The following PAM variants were observed in gnomAD, a reference collection of about 807,000 sequenced individuals.
PAM encodes peptidylglycine alpha-amidating monooxygenase, also known as peptidyl-glycine alpha-amidating monooxygenase.
Under a neutral mutation model 122.1 loss-of-function variants are expected in PAM, and 72 were observed. The observed-to-expected ratio is 0.59, with a 90% CI of 0.49 to 0.72. The LOEUF is 0.72. Among genes scored for constraint, PAM ranks in the 30% least tolerant of loss-of-function variants. PAM has a pLI of 0.00. For synonymous variants in PAM, 389 were observed against 404.4 expected, an observed-to-expected ratio of 0.96 and a Z score of 0.46; for missense variants, 1,106 against 1,183.7, an observed-to-expected ratio of 0.93 and a Z score of 0.96.
chr5:102,952,969 T>C (rs1035291795), intron 12 of PAM, among the ~76,000 whole-genome samples: 10 of 152,142 alleles, frequency 6.6e-5, no homozygotes, highest in African/African-American at 9.7e-5. Context: ...TAACTAAGGA[T>C]AGGCTGGGGC....
intron 1 of PAM, among the ~76,000 whole-genome samples, chr5:102,844,928 A>T (rs1779598644): frequency 6.6e-6 from 1 of 152,230 alleles, no homozygotes; most frequent in Non-Finnish European, 1.5e-5. Flanking sequence ...CCATTTCTCC[A>T]GACTAGCAGA....
chr5:102,818,733 T>C (rs1189227333), intron 1 of PAM, among the ~76,000 whole-genome samples: 2 of 152,198 alleles, frequency 1.3e-5, no homozygotes, highest in African/African-American at 4.8e-5. Context: ...GTTATATGTG[T>C]GGCCTTTTTT....
At chr5:102,786,420 G>A (rs553096856) in intron 1 of PAM, among the ~76,000 whole-genome samples, 201 of 152,246 alleles carry the variant, frequency 1.3e-3, no homozygotes, top group African/African-American at 4.3e-3. Context: ...ATTAGTGTAA[G>A]CTCTTATTAA....
chr5:102,989,167 T>G (rs1178296144), intron 15 of PAM, among the ~76,000 whole-genome samples: 1 of 152,202 alleles, frequency 6.6e-6, no homozygotes, highest in Non-Finnish European at 1.5e-5. Context: ...TATAGATATA[T>G]ACATTGTACC....
chr5:102,795,189 C>CAAAAAAAAAAAAAAAAAAAA (rs33988105), intron 1 of PAM, among the ~76,000 whole-genome samples: 14 of 59,658 alleles, frequency 2.3e-4, no homozygotes, highest in East Asian at 1.3e-3. Flanking sequence ...GACAATGTCT[C>CAAAAAAAAAAAAAAAAAAAA]AAAAAAAAAA....
At chr5:102,933,959 T>C (rs1752427206) in intron 7 of PAM, among the ~76,000 whole-genome samples, 1 of 152,168 alleles carries the variant, frequency 6.6e-6, no homozygotes, top group African/African-American at 2.4e-5. Flanking sequence ...CCCTGTTGCT[T>C]TCCCTGTTGT....
intron 1 of PAM, among the ~76,000 whole-genome samples, chr5:102,771,324 T>C (rs1366413389): frequency 6.6e-6 from 1 of 152,150 alleles, no homozygotes; most frequent in Non-Finnish European, 1.5e-5. Context: ...AGTTCTGTTA[T>C]AGTAATCATT....
At chr5:102,765,545 G>A (rs533283716) in intron 1 of PAM, among the ~76,000 whole-genome samples, 1 of 152,312 alleles carries the variant, frequency 6.6e-6, no homozygotes, top group South Asian at 2.1e-4. Context: ...GCCACACCAT[G>A]CAAGCTTGGG....
intron 12 of PAM, 31 bp from the exon 13 acceptor site, chr5:102,959,844 T>C (rs1272500111): frequency 2.0e-6 from 3 of 1,525,852 alleles, no homozygotes; most frequent in African/African-American, 2.7e-5. Context: ...ATGTGAATAG[T>C]TGATTTGTTA....
At chr5:102,952,697 C>T (rs958208356) in intron 12 of PAM, among the ~76,000 whole-genome samples, 3 of 152,070 alleles carry the variant, frequency 2.0e-5, no homozygotes, top group Non-Finnish European at 4.4e-5. Flanking sequence ...AGACAAATAA[C>T]AACAGCAATG....
chr5:102,871,738 A>T (rs1296234003), intron 3 of PAM, among the ~76,000 whole-genome samples: 7 of 142,648 alleles, frequency 4.9e-5, no homozygotes, highest in African/African-American at 1.0e-4. Context: ...TATATATATT[A>T]TATATATATA....
rs1554134180 is a variant in PAM at position 102,950,416 on chromosome 5, G to GGTGTGTGTGTGTGTGTGTGT, written c.802-296_802-277dup. The stretch of plus-strand genomic sequence containing the variant: ...CAGTGATTATTTGTGTATGTGGGTG[G>GGTGTGTGTGTGTGTGTGTGT]GTGTGTGTGTGTGTGTGTGTGTGTC... On this transcript the variant is annotated intron_variant, in intron 11 of 25. Coordinates refer to ENST00000438793, the MANE Select transcript of PAM (RefSeq NM_001177306.2). Among the ~76,000 whole-genome samples, 1,355 of 146,038 alleles carry GGTGTGTGTGTGTGTGTGTGT rather than the reference G, an allele frequency of 9.3e-3. 24 individuals are homozygous for GGTGTGTGTGTGTGTGTGTGT. Among genetic ancestry groups the GGTGTGTGTGTGTGTGTGTGT allele is most frequent in the African/African-American group, 0.032 (1,266 of 38,988 alleles).
intron 7 of PAM, among the ~76,000 whole-genome samples, chr5:102,928,688 A>C (rs1750445739): frequency 6.6e-6 from 1 of 152,166 alleles, no homozygotes; most frequent in Non-Finnish European, 1.5e-5. Context: ...ATATTTATTA[A>C]TTGGGAAGTG....
At chr5:103,012,836 A>G (rs573413509) in intron 21 of PAM, among the ~76,000 whole-genome samples, 4 of 150,028 alleles carry the variant, frequency 2.7e-5, no homozygotes, top group South Asian at 4.3e-4. Context: ...AGCCTGGGGG[A>G]CAGAGCAAGA....
At chr5:102,789,501 C>T (rs1320097643) in intron 1 of PAM, among the ~76,000 whole-genome samples, 1 of 152,034 alleles carries the variant, frequency 6.6e-6, no homozygotes, top group Non-Finnish European at 1.5e-5. Flanking sequence ...ATGGCTGATC[C>T]TTGAAGACAT....
intron 1 of PAM, among the ~76,000 whole-genome samples, chr5:102,764,690 T>C (rs995440878): frequency 3.3e-5 from 5 of 152,214 alleles, no homozygotes; most frequent in African/African-American, 7.2e-5. Context: ...AGTCCCTTAC[T>C]ATATCAACTA....
chr5:102,899,238 G>A (rs1797005264), intron 3 of PAM, among the ~76,000 whole-genome samples: 2 of 151,556 alleles, frequency 1.3e-5, no homozygotes, highest in Admixed American at 1.3e-4. Flanking sequence ...TTTTAAATTG[G>A]GTGGCTGATG....
chr5:102,870,962 G>T (rs1787223538), intron 3 of PAM, among the ~76,000 whole-genome samples: 1 of 152,160 alleles, frequency 6.6e-6, no homozygotes, highest in South Asian at 2.1e-4. Context: ...CCAGTTCATG[G>T]TCATAGTATG....
intron 1 of PAM, among the ~76,000 whole-genome samples, chr5:102,837,377 A>C (rs1561586264): frequency 2.0e-5 from 3 of 152,230 alleles, no homozygotes; most frequent in South Asian, 2.1e-4. Flanking sequence ...AGGAATAAAT[A>C]ATTTCTATTC....
Sources: allele counts gnomAD v4.1 joint callset (sites outside exome capture counted in the v4.1 genomes callset), GRCh38; gene constraint gnomAD v4.1.1; transcripts MANE v1.5; gene names NCBI Gene and HGNC (gene_info 2026-07-23, HGNC 2026-07-21).